The following GLIS3 variants were observed in gnomAD, a reference collection of about 807,000 sequenced individuals.
GLIS3 encodes GLIS family zinc finger 3.
Under a neutral mutation model 78.6 loss-of-function variants are expected in GLIS3, and 53 were observed. That is an observed-to-expected ratio of 0.67 (90% confidence interval 0.54 to 0.85). GLIS3 has a LOEUF of 0.85. Ranked by LOEUF, GLIS3 falls within the 40% of genes least tolerant of loss-of-function variation. The pLI, the probability that GLIS3 is intolerant of heterozygous loss-of-function variation, is 0.00. For synonymous variants in GLIS3, 684 were observed against 509.9 expected, an observed-to-expected ratio of 1.34 and a Z score of -4.60; for missense variants, 1,703 against 1,231.1, an observed-to-expected ratio of 1.38 and a Z score of -5.74.
Position 3,898,902 on chromosome 9 carries a change from G to C in GLIS3, c.1984-67C>G, listed in dbSNP as rs983771962. 9 of 1,606,268 alleles carry C rather than the reference G, an allele frequency of 5.6e-6. No homozygotes were observed. The African/African-American group carries it at 1.1e-4, about 19-fold the overall frequency. On this transcript the variant is annotated intron_variant, in intron 6 of 10. Coordinates refer to ENST00000381971, the MANE Select transcript of GLIS3 (RefSeq NM_001042413.2). ...GTCCTTGGAATATTTTCCTGGGAAG[G>C]CATCATGCTCTATCAGTGCAACTCA...
intron 2 of GLIS3, among the ~76,000 whole-genome samples, chr9:4,330,271 A>G (rs1301830080): frequency 6.6e-6 from 1 of 152,252 alleles, no homozygotes; most frequent in East Asian, 1.9e-4. Flanking sequence ...ACTTTGGTGC[A>G]CATTCAAATC....
rs567929034 is a variant in GLIS3, at chr9:3,923,730, G to A, written c.1983+8630C>T. Among the ~76,000 whole-genome samples the A allele has an allele frequency of 2.6e-5, 4 of 152,288 alleles. No individual in the cohort carries two copies. In the East Asian group the frequency reaches 5.8e-4, roughly 22 times the overall value. On this transcript the variant is annotated intron_variant, in intron 6 of 10. Transcript: ENST00000381971. ...GTATCTTTTGGGACTTCCTAAATGT[G>A]TCTCCCATACTAGGCTGCAGGATGG...
At position 4,096,871 on chromosome 9, in the gene GLIS3, G is replaced by C. The variant is rs1337210154; in HGVS notation, c.1710+20897C>G. ...TACTAAAAATACAGAAATTAACCAG[G>C]CACAGTGGCAGGCGCCTGTAATCCC... On this transcript the variant is annotated intron_variant, in intron 4 of 10. Transcript: ENST00000381971. 2.0e-5 allele frequency among the ~76,000 whole-genome samples: 3 copies of C among 152,022 alleles called. No homozygotes were observed. The East Asian group carries it at 5.8e-4, about 29-fold the overall frequency.
chr9:4,403,484 C>G, the GLIS3 span, among the ~76,000 whole-genome samples: 1 of 152,044 alleles, frequency 6.6e-6, no homozygotes, highest in African/African-American at 2.4e-5. Context: ...ATGAACCACT[C>G]AAAAATAATA....
At chr9:4,350,809 GTTTTT>G (rs541961899), upstream of GLIS3, among the ~76,000 whole-genome samples, 95 of 139,110 alleles carry the variant, frequency 6.8e-4, no homozygotes, top group Admixed American at 2.1e-3. Context: ...GTTTTGTTTT[GTTTTT>G]GTTTTTGTTT....
chr9:4,052,692 A>G (rs1428410966), intron 4 of GLIS3, among the ~76,000 whole-genome samples: 1 of 152,190 alleles, frequency 6.6e-6, no homozygotes, highest in Admixed American at 6.6e-5. Flanking sequence ...CACTATATGG[A>G]TATACCACAT....
the GLIS3 span, among the ~76,000 whole-genome samples, chr9:4,401,797 T>C: frequency 7.9e-5 from 12 of 152,008 alleles, no homozygotes; most frequent in Admixed American, 7.9e-4. Flanking sequence ...TATTTCACCA[T>C]GTTGCCCAGG....
At chr9:3,868,319 T>C (rs973334934) in intron 8 of GLIS3, among the ~76,000 whole-genome samples, 1 of 152,210 alleles carries the variant, frequency 6.6e-6, no homozygotes, top group African/African-American at 2.4e-5. Flanking sequence ...ATTGCTGGAT[T>C]AGCTCTCTAA....
intron 2 of GLIS3, among the ~76,000 whole-genome samples, chr9:4,135,168 T>C (rs747106808): frequency 6.6e-6 from 1 of 152,236 alleles, no homozygotes; most frequent in Non-Finnish European, 1.5e-5. Context: ...TTGTCTAGAA[T>C]TGTCTACTTA....
chr9:4,314,182 T>C (rs1157070342), intron 2 of GLIS3, among the ~76,000 whole-genome samples: 1 of 152,240 alleles, frequency 6.6e-6, no homozygotes, highest in Non-Finnish European at 1.5e-5. Context: ...AGTGAATTAA[T>C]ATTTATAAAA....
At chr9:3,848,712 G>C (rs1819218654) in intron 9 of GLIS3, among the ~76,000 whole-genome samples, 1 of 152,140 alleles carries the variant, frequency 6.6e-6, no homozygotes, top group South Asian at 2.1e-4. Flanking sequence ...TCAATGCTCT[G>C]ATATTTCTAC....
the GLIS3 span, among the ~76,000 whole-genome samples, chr9:4,418,959 A>G: frequency 2.6e-5 from 4 of 152,222 alleles, no homozygotes; most frequent in African/African-American, 9.6e-5. Context: ...TCAACTCAAG[A>G]TAAGGCTAGA....
rs531498546 is a variant in GLIS3 at position 4,108,757 on chromosome 9, G to A, written c.1710+9011C>T. On this transcript the variant is annotated intron_variant, in intron 4 of 10. Coordinates refer to ENST00000381971, the MANE Select transcript of GLIS3 (RefSeq NM_001042413.2). ...CAGAAAAGATAACTGTCTGGTGAGA[G>A]AAGCCTGAGAATCTGCCTCATAAAT... 2.6e-5 allele frequency among the ~76,000 whole-genome samples: 4 copies of A among 152,302 alleles called. No homozygotes were observed. The East Asian group carries it at 7.7e-4, about 29-fold the overall frequency.
the GLIS3 span, among the ~76,000 whole-genome samples, chr9:4,487,172 G>A: frequency 1.4e-4 from 21 of 152,170 alleles, no homozygotes; most frequent in African/African-American, 5.1e-4. Flanking sequence ...GCTAATTTTT[G>A]TATTTTTAGT....
intron 2 of GLIS3, chr9:4,152,219 TC>T: frequency 3.3e-6 from 2 of 606,590 alleles, no homozygotes; most frequent in Non-Finnish European, 4.1e-6. Flanking sequence ...GGAAGAACTT[TC>T]TAGAAATCAG....
intron 4 of GLIS3, among the ~76,000 whole-genome samples, chr9:4,012,987 G>A (rs1485020853): frequency 1.3e-5 from 2 of 151,750 alleles, no homozygotes; most frequent in East Asian, 3.9e-4. Context: ...TGGCCAGGCT[G>A]GTCTCAAACT....
At chr9:4,317,824 G>C (rs1286097222) in intron 2 of GLIS3, among the ~76,000 whole-genome samples, 1 of 152,148 alleles carries the variant, frequency 6.6e-6, no homozygotes, top group Non-Finnish European at 1.5e-5. Flanking sequence ...AGTGAATGAA[G>C]TAGCACATGT....
At chr9:4,215,088 G>A (rs1222922079) in intron 2 of GLIS3, among the ~76,000 whole-genome samples, 1 of 152,192 alleles carries the variant, frequency 6.6e-6, no homozygotes, top group Non-Finnish European at 1.5e-5. Context: ...TTCACAAAGA[G>A]TGGAGCAAAG....
In GLIS3 at chr9:4,230,558, G is replaced by C. The variant is rs117487591; in HGVS notation, c.388+55480C>G. On this transcript the variant is annotated intron_variant, in intron 2 of 10. Transcript: ENST00000381971. The stretch of plus-strand genomic sequence containing the variant: ...GCTGTGGACCTAGAAAAGAAGGAAA[G>C]AAGTCTCAGGAAAAGAATTGAGTCA... 7.9e-3 allele frequency among the ~76,000 whole-genome samples: 1,203 copies of C among 152,238 alleles called. 12 individuals are homozygous for C. The highest frequency in any genetic ancestry group is 0.013 in the Non-Finnish European group (910 of 68,020).
Sources: gnomAD v4.1 joint callset for allele counts (sites outside exome capture counted in the v4.1 genomes callset) on GRCh38, gnomAD v4.1.1 for gene constraint, MANE v1.5 for transcripts, NCBI Gene and HGNC (gene_info 2026-07-23, HGNC 2026-07-21) for gene names.